Variants in FASN observed in about 807,000 individuals in gnomAD.
The protein encoded by FASN is fatty acid synthase, also known as 3-hydroxyacyl-[acyl-carrier-protein] dehydratase.
FASN carries 50 observed loss-of-function variants against 250.0 expected under a neutral mutation model. That is an observed-to-expected ratio of 0.20 (90% CI 0.16 to 0.25). FASN has a LOEUF of 0.25. Among genes scored for constraint, FASN ranks in the 10% least tolerant of loss-of-function variants. The pLI is 1.00. For missense variants in FASN, 3,031 were observed against 3,498.5 expected, an observed-to-expected ratio of 0.87 and a Z score of 3.37; for synonymous variants, 1,909 against 1,584.0, an observed-to-expected ratio of 1.21 and a Z score of -4.87.
Position 82,081,760 on chromosome 17 carries a change from T to A in FASN, c.6247A>T (p.Thr2083Ser), listed in dbSNP as rs1385981403. 6.2e-7 allele frequency: 1 copy of A among 1,612,692 alleles called. No homozygotes were observed. Among genetic ancestry groups the A allele is most frequent in the Non-Finnish European group, 8.5e-7 (1 of 1,180,006 alleles). Residue 2083 changes from threonine (T) to serine (S), a missense_variant, in exon 37 of 43, where the codon ACG becomes TCG. By Grantham distance (58) the Thr-to-Ser change is moderately conservative (BLOSUM62 1). Coordinates refer to ENST00000306749, the MANE Select transcript of FASN (RefSeq NM_004104.5). Reference protein sequence around the residue: ...MSTNDTIVSGTLPQRMASCLE... With the variant: ...MSTNDTIVSGSLPQRMASCLE... Reference sequence around the variant, plus strand: ...CAGGACGCCATGCGCTGGGGCAGCGTGCCACTGACGATCGTGTCGTTGGTG... The same window carrying A: ...CAGGACGCCATGCGCTGGGGCAGCGAGCCACTGACGATCGTGTCGTTGGTG...
intron 11 of FASN, 120 bp from the exon 12 acceptor site, chr17:82,089,846 G>A (rs966621918): frequency 7.9e-6 from 7 of 890,184 alleles, no homozygotes; most frequent in African/African-American, 4.9e-5. Flanking sequence ...TGGCAGCCTT[G>A]GAGCCTTCAT....
In FASN at chr17:82,083,750, G is replaced by A. The variant is rs769920278; in HGVS notation, c.5218+22C>T. On this transcript the variant is annotated intron_variant, in intron 30 of 42. Coordinates refer to ENST00000306749, the MANE Select transcript of FASN (RefSeq NM_004104.5). The stretch of plus-strand genomic sequence containing the variant: ...GCCGGAGGCTAGGCAGGAGGCAGGT[G>A]GGGGCTGTGGGGGCCACTCACCCTT... 14 of 1,610,924 alleles carry A rather than the reference G, an allele frequency of 8.7e-6. No individual in the cohort carries two copies. The East Asian group carries it at 2.7e-4, about 31-fold the overall frequency.
intron 41 of FASN, chr17:82,079,820 C>T (rs940738571): frequency 6.9e-5 from 48 of 691,844 alleles, no homozygotes; most frequent in Non-Finnish European, 1.0e-4. Context: ...CCGGTTCAAG[C>T]GATTCTCCTC....
rs556978387 is a variant in FASN at position 82,080,543 on chromosome 17, A to G, written c.6874T>C (p.Cys2292Arg). ...CCCTCGGGCTGCACCTGCCTGATGC[A>G]GTCGATGTAGTAGGCAGCCAGGCTG... ...IHSLAAYYID[C>R]IRQVQPEGPY... The change falls in exon 40 of 43, where the codon TGC becomes CGC. Residue 2292 changes from cysteine (C) to arginine (R), a missense_variant. Transcript: ENST00000306749. 1.3e-6 allele frequency: 2 copies of G among 1,560,596 alleles called. No individual in the cohort carries two copies. Among genetic ancestry groups the G allele is most frequent in the South Asian group, 2.3e-5 (2 of 85,140 alleles).
intron 3 of FASN, among the ~76,000 whole-genome samples, chr17:82,094,884 A>G (rs1262632591): frequency 2.3e-5 from 3 of 129,970 alleles, no homozygotes; most frequent in African/African-American, 8.5e-5. Context: ...CTGGCGGGAG[A>G]GGGTTGAAAT....
Position 82,087,599 on chromosome 17 carries a change from A to G in FASN, c.3043+86T>C, listed in dbSNP as rs911373972. On this transcript the variant is annotated intron_variant, in intron 19 of 42. Transcript: ENST00000306749. The stretch of plus-strand genomic sequence containing the variant: ...GCCCCTCTGCTCCCTCCCAAGCTGC[A>G]TGCCTAGCTGTGGGTGCCCTCTGTG... The G allele has an allele frequency of 8.7e-6, 14 of 1,600,816 alleles. No individual in the cohort carries two copies. In the African/African-American group the frequency reaches 1.7e-4, roughly 20 times the overall value.
Position 82,089,063 on chromosome 17 carries a change from T to C in FASN, c.2210A>G (p.Asn737Ser). 6.3e-7 allele frequency: 1 copy of C among 1,598,482 alleles called. No individual in the cohort carries two copies. The highest frequency in any genetic ancestry group is 1.1e-5 in the South Asian group (1 of 88,900). Reference protein sequence around the residue: ...ARTSSAEYNVNNLVSPVLFQE... With the variant: ...ARTSSAEYNVSNLVSPVLFQE... The stretch of plus-strand genomic sequence containing the variant: ...GAACAGCACAGGGCTCACCAGGTTG[T>C]TGACATTGTACTCGGCGGAGGACGT... The change falls in exon 14 of 43, where the codon AAC becomes AGC. Residue 737 changes from asparagine (N) to serine (S), a missense_variant. Asn to Ser is a conservative substitution (Grantham distance 46). Transcript: ENST00000306749.
intron 41 of FASN, 187 bp from the exon 42 acceptor site, chr17:82,079,795 G>A (rs952179581): frequency 3.3e-5 from 27 of 806,498 alleles, no homozygotes; most frequent in South Asian, 7.4e-5. Flanking sequence ...TCCTCCCTCC[G>A]CAACCTCCAC....
chr17:82,089,573 C>A (rs1014594827), intron 12 of FASN, 59 bp downstream of exon 12: 7 of 1,554,214 alleles, frequency 4.5e-6, no homozygotes, highest in Middle Eastern at 1.8e-4. Context: ...CGTGTCCCTG[C>A]CAGACTTGCA....
chr17:82,089,322 C>G lies in FASN; in HGVS notation c.2028G>C (p.Arg676=). The G allele has an allele frequency of 6.2e-7, 1 of 1,612,830 alleles. No homozygotes were observed. ...RKEGVFAKEV[R]TGGMAFHSYF... ...AGGAGTGGAAGGCCATACCGCCGGT[C>G]CGCACCTCCTTGGCAAACACACCCT... Residue 676 remains arginine, a synonymous_variant, in exon 13 of 43, where the codon CGG becomes CGC. Transcript: ENST00000306749.
chr17:82,094,575 G>A (rs1433258038), intron 3 of FASN, among the ~76,000 whole-genome samples: 1 of 151,936 alleles, frequency 6.6e-6, no homozygotes, highest in Non-Finnish European at 1.5e-5. Flanking sequence ...TGGATCACGA[G>A]GTCAAGAGAT....
intron 3 of FASN, 105 bp downstream of exon 3, chr17:82,095,215 G>T: frequency 7.3e-7 from 1 of 1,365,300 alleles, no homozygotes; most frequent in Non-Finnish European, 1.0e-6. Flanking sequence ...GGGAGGGTAG[G>T]TGGTGCCAGC....
chr17:82,080,540 T>C lies in FASN; in HGVS notation c.6877A>G (p.Ile2293Val), dbSNP rs1020218329. ...GGGCCCTCGGGCTGCACCTGCCTGA[T>C]GCAGTCGATGTAGTAGGCAGCCAGG... ...HSLAAYYIDC[I>V]RQVQPEGPYR... The change falls in exon 40 of 43, where the codon ATC becomes GTC. Residue 2293 changes from isoleucine (I) to valine (V), a missense_variant. Physicochemically the swap from Ile to Val is conservative, Grantham distance 29 (BLOSUM62 3). Coordinates refer to ENST00000306749, the MANE Select transcript of FASN (RefSeq NM_004104.5). 7.0e-6 allele frequency: 11 copies of C among 1,561,058 alleles called. No homozygotes were observed. In the South Asian group the frequency reaches 1.2e-4, roughly 17 times the overall value.
Position 82,079,358 on chromosome 17 carries a change from T to A in FASN, c.7397A>T (p.Gln2466Leu), listed in dbSNP as rs1325108382. ...GTTCCCGTCAGGCCCCTTGCGCACCTGGGAGAGGTTGTAGTCCGCGCCCAG... is the reference window on the plus strand; with the variant it reads ...GTTCCCGTCAGGCCCCTTGCGCACCAGGGAGAGGTTGTAGTCCGCGCCCAG... ...EDLGADYNLSQVCDGKVSVHV... is the reference protein window; with the variant it reads ...EDLGADYNLSLVCDGKVSVHV... Residue 2466 changes from glutamine to leucine, a missense_variant and splice_region_variant, in exon 42 of 43, where the codon CAG becomes CTG. Transcript: ENST00000306749. 35 of 1,612,984 alleles carry A rather than the reference T, an allele frequency of 2.2e-5. No individual in the cohort carries two copies. Among genetic ancestry groups the A allele is most frequent in the Non-Finnish European group, 3.0e-5 (35 of 1,179,970 alleles).
At chr17:82,096,532 G>A (rs2034307230) in intron 1 of FASN, 80 bp from the exon 2 acceptor site, 4 of 1,590,620 alleles carry the variant, frequency 2.5e-6, no homozygotes, top group Non-Finnish European at 3.4e-6. Flanking sequence ...CAGAACAGGT[G>A]GACACCCATG....
chr17:82,093,830 C>T (rs2034258813), intron 3 of FASN, 59 bp from the exon 4 acceptor site: 1 of 1,388,214 alleles, frequency 7.2e-7, no homozygotes, highest in Non-Finnish European at 9.6e-7. Context: ...CCAGCCCACC[C>T]ACCCACCCGG....
chr17:82,082,815 G>A (rs1197142235), intron 33 of FASN, 99 bp downstream of exon 33: 3 of 1,549,480 alleles, frequency 1.9e-6, no homozygotes, highest in Admixed American at 3.6e-5. Context: ...CAGACCCCAG[G>A]CACCGTGACA....
In FASN at chr17:82,092,569, C is replaced by T. The variant is rs2144805974; in HGVS notation, c.915G>A (p.Leu305=). The change falls in exon 8 of 43, where the codon CTG becomes CTA. Residue 305 remains leucine, a synonymous_variant. Coordinates refer to ENST00000306749, the MANE Select transcript of FASN (RefSeq NM_004104.5). ...TGTKVGDPQE[L]NGITRALCAT... The stretch of plus-strand genomic sequence containing the variant: ...CGCACAGGGCTCGGGTGATGCCATT[C>T]AGCTCCTGGGGGTCGCCCACCTGTG... The T allele has an allele frequency of 1.2e-6, 2 of 1,606,216 alleles. No homozygotes were observed. The highest frequency in any genetic ancestry group is 1.7e-6 in the Non-Finnish European group (2 of 1,178,980).
In FASN at chr17:82,089,160, G is replaced by A; in HGVS notation, c.2113C>T (p.Pro705Ser). 3 of 1,575,320 alleles carry A rather than the reference G, an allele frequency of 1.9e-6. No individual in the cohort carries two copies. Among genetic ancestry groups the A allele is most frequent in the Non-Finnish European group, 1.7e-6 (2 of 1,160,850 alleles). Residue 705 changes from proline (P) to serine (S), a missense_variant, in exon 14 of 43, where the codon CCG becomes TCG. Transcript: ENST00000306749. ...AGCCAGCGGGCTGAACGTGGCTTCGGCTCCCGGATCACCTGCATGAGGGGC... is the reference window on the plus strand; with the variant it reads ...AGCCAGCGGGCTGAACGTGGCTTCGACTCCCGGATCACCTGCATGAGGGGC... ...LQELKKVIREPKPRSARWLST... is the reference protein window; with the variant it reads ...LQELKKVIRESKPRSARWLST...
Sources: gnomAD v4.1 joint callset for allele counts (sites outside exome capture counted in the v4.1 genomes callset) on GRCh38, gnomAD v4.1.1 for gene constraint, MANE v1.5 for transcripts, NCBI Gene and HGNC (gene_info 2026-07-23, HGNC 2026-07-21) for gene names.